The following NHSL2 variants were observed in gnomAD, a reference collection of about 807,000 sequenced individuals.
NHSL2 encodes NHS-like protein 2.
A neutral mutation model predicts 53.4 loss-of-function variants in NHSL2; 27 were observed. That is an observed-to-expected ratio of 0.51 (90% CI 0.37 to 0.70). The LOEUF (loss-of-function observed/expected upper bound fraction) is 0.70. Among genes scored for constraint, NHSL2 ranks in the 30% least tolerant of loss-of-function variants. The probability of loss-of-function intolerance (pLI) is 0.00; values close to 1 mark genes in which losing one functional copy is unlikely to be tolerated. For synonymous variants in NHSL2, 408 were observed against 404.1 expected (o/e 1.01, Z -0.12); for missense variants, 892 against 980.1 (o/e 0.91, Z 1.20).
intron 1 of NHSL2, among the ~76,000 whole-genome samples, chrX:72,085,285 A>G (rs1251715820): frequency 8.9e-6 from 1 of 112,160 alleles, no homozygotes; most frequent in East Asian, 2.8e-4. Context: ...CTTATTACAT[A>G]TATTTCATCT....
chrX:72,124,843 AG>A (rs2042209697), intron 1 of NHSL2, among the ~76,000 whole-genome samples: 1 of 111,734 alleles, frequency 8.9e-6, no homozygotes, highest in African/African-American at 3.3e-5. Flanking sequence ...GAGGGTTTTT[AG>A]GACCCTCGCC....
At chrX:71,977,576 A>G (rs989490670) in intron 1 of NHSL2, among the ~76,000 whole-genome samples, 1 of 110,903 alleles carries the variant, frequency 9.0e-6, no homozygotes, top group Non-Finnish European at 1.9e-5. Context: ...GTGTGCCACC[A>G]TGCCCAGCTA....
chrX:72,029,230 G>A (rs2042201863), intron 1 of NHSL2, among the ~76,000 whole-genome samples: 1 of 111,224 alleles, frequency 9.0e-6, no homozygotes, highest in Non-Finnish European at 1.9e-5. Flanking sequence ...TACAGAGGAA[G>A]GGCAGTGAGA....
At chrX:72,070,509 C>T (rs777628749) in intron 1 of NHSL2, among the ~76,000 whole-genome samples, 15 of 111,737 alleles carry the variant, frequency 1.3e-4, no homozygotes, top group African/African-American at 4.2e-4. Flanking sequence ...CTTTTCCTAG[C>T]TCACCTTCCC....
At chrX:71,957,297 G>T (rs140089592) in intron 1 of NHSL2, among the ~76,000 whole-genome samples, 3,480 of 112,058 alleles carry the variant, frequency 0.031, 140 homozygotes, top group African/African-American at 0.11. Flanking sequence ...AGTCATTATG[G>T]TGTGAGCACG....
chrX:72,077,752 G>A (rs1209973351), intron 1 of NHSL2, among the ~76,000 whole-genome samples: 1 of 112,737 alleles, frequency 8.9e-6, no homozygotes, highest in Admixed American at 9.3e-5. Context: ...AGATGTGACT[G>A]TGAAACAGGA....
intron 1 of NHSL2, among the ~76,000 whole-genome samples, chrX:72,071,726 T>C (rs1206132948): frequency 8.9e-6 from 1 of 111,814 alleles, no homozygotes; most frequent in Non-Finnish European, 1.9e-5. Context: ...CTTTTCTCTC[T>C]TCCATTTTCG....
At chrX:72,027,976 T>TTGCTGCTGCTGCTGCTGCCGC (rs886794290) in intron 1 of NHSL2, among the ~76,000 whole-genome samples, 1 of 111,472 alleles carries the variant, frequency 9.0e-6, no homozygotes, top group Non-Finnish European at 1.9e-5. Flanking sequence ...GGTGTTGAGT[T>TTGCTGCTGCTGCTGCTGCCGC]TGCTGCTGCT....
chrX:72,129,801 G>A, intron 1 of NHSL2: 1 of 1,157,943 alleles, frequency 8.6e-7, no homozygotes, highest in Middle Eastern at 2.5e-4. Flanking sequence ...AAAGAAGGGT[G>A]TGTTCTGGGT....
chrX:72,074,792 A>G (rs1055982153), intron 1 of NHSL2, among the ~76,000 whole-genome samples: 1 of 112,710 alleles, frequency 8.9e-6, no homozygotes, highest in African/African-American at 3.2e-5. Flanking sequence ...AACTGTTTCT[A>G]TGCTGAGCTT....
chrX:71,978,704 A>G (rs1174393524), intron 1 of NHSL2, among the ~76,000 whole-genome samples: 1 of 95,459 alleles, frequency 1.0e-5, no homozygotes, highest in Non-Finnish European at 2.1e-5. Flanking sequence ...TTTTTTTGAG[A>G]TGAAATCTCC....
At chrX:71,963,483 G>C (rs773877717) in intron 1 of NHSL2, among the ~76,000 whole-genome samples, 2 of 110,822 alleles carry the variant, frequency 1.8e-5, no homozygotes, top group Non-Finnish European at 3.8e-5. Context: ...CCAATCAAGA[G>C]GTAGAGATTG....
intron 1 of NHSL2, among the ~76,000 whole-genome samples, chrX:72,070,588 C>T (rs182978824): frequency 9.0e-6 from 1 of 111,565 alleles, no homozygotes; most frequent in Non-Finnish European, 1.9e-5. Context: ...AACTCTTACC[C>T]TCCTATCTAC....
intron 1 of NHSL2, among the ~76,000 whole-genome samples, chrX:71,964,031 A>ATGTG (rs2041887558): frequency 2.5e-5 from 1 of 40,240 alleles, no homozygotes; most frequent in African/African-American, 1.5e-4. Flanking sequence ...ATATGTGTAT[A>ATGTG]TATATATATA....
Position 71,931,767 on chromosome X carries a change from G to A in NHSL2, c.280+20400G>A, listed in dbSNP as rs901765637. ...AGTAGCACATAGTTTTGAAAACTTT[G>A]ATTGCTTTAATTACTTTTGATTACT... On this transcript the variant is annotated intron_variant, in intron 1 of 7. Coordinates refer to ENST00000633930, the MANE Select transcript of NHSL2 (RefSeq NM_001013627.3). 1.2e-4 allele frequency among the ~76,000 whole-genome samples: 14 copies of A among 112,619 alleles called. 1 individual carries two copies. The highest frequency in any genetic ancestry group is 2.2e-4 in the Non-Finnish European group (12 of 53,347).
rs1443241827 is a variant in NHSL2 at position 72,144,510 on chromosome X, C to A, written c.*936C>A. 2.9e-6 allele frequency: 3 copies of A among 1,018,512 alleles called. No individual in the cohort carries two copies. In the Admixed American group the frequency reaches 7.5e-5, roughly 25 times the overall value. The allele number at this position is 1,018,512 out of a possible 1,213,427, so 83.9% of individuals were successfully genotyped here. On this transcript the variant is annotated 3_prime_UTR_variant, in exon 8 of 8. Transcript: ENST00000633930. ...AGGAAGTAATTAACTGAAGGAACAGCATCATCAAAGGCTCAAGGATAATGG... is the reference window on the plus strand; with the variant it reads ...AGGAAGTAATTAACTGAAGGAACAGAATCATCAAAGGCTCAAGGATAATGG...
intron 1 of NHSL2, among the ~76,000 whole-genome samples, chrX:72,113,009 T>C (rs1307954102): frequency 8.9e-6 from 1 of 112,011 alleles, no homozygotes; most frequent in South Asian, 3.7e-4. Flanking sequence ...CTTTTTATTA[T>C]TGAGTTATAA....
chrX:72,073,188 G>A (rs1451041728), intron 1 of NHSL2, among the ~76,000 whole-genome samples: 1 of 111,983 alleles, frequency 8.9e-6, no homozygotes, highest in Non-Finnish European at 1.9e-5. Context: ...AGGAGACTGT[G>A]GAGGAGCAGC....
intron 1 of NHSL2, among the ~76,000 whole-genome samples, chrX:72,013,628 A>G (rs774203862): frequency 9.2e-6 from 1 of 109,153 alleles, no homozygotes; most frequent in Non-Finnish European, 1.9e-5. Flanking sequence ...CTTGTTTCCA[A>G]TCTGAGGGGG....
Sources: gnomAD v4.1 joint callset for allele counts (sites outside exome capture counted in the v4.1 genomes callset) on GRCh38, gnomAD v4.1.1 for gene constraint, MANE v1.5 for transcripts, NCBI Gene and HGNC (gene_info 2026-07-23, HGNC 2026-07-21) for gene names.